The following DOK3 variants were observed in gnomAD, a reference collection of about 807,000 sequenced individuals.
DOK3 encodes docking protein 3.
A neutral mutation model predicts 26.2 loss-of-function variants in DOK3; 23 were observed. The observed-to-expected ratio is 0.88, with a 90% CI of 0.63 to 1.24. The LOEUF (loss-of-function observed/expected upper bound fraction) is 1.24. Among genes scored for constraint, DOK3 ranks in the 50% most tolerant of loss-of-function variants. The pLI, the probability that DOK3 is intolerant of heterozygous loss-of-function variation, is 0.00. For missense variants in DOK3, 619 were observed against 610.6 expected (o/e 1.01, Z -0.15); for synonymous variants, 268 against 268.2 (o/e 1.00, Z 0.01).
chr5:177,505,189 C>T (rs1561718951), intron 3 of DOK3, 79 bp from the exon 4 acceptor site: 2 of 1,343,926 alleles, frequency 1.5e-6, no homozygotes, highest in Non-Finnish European at 2.0e-6. Flanking sequence ...CCCAGAACTC[C>T]ACAAGCCAGG....
In DOK3 at chr5:177,502,960, A is replaced by G; in HGVS notation, c.*1023T>C. On this transcript the variant is annotated 3_prime_UTR_variant, in exon 6 of 6. Transcript: ENST00000510898. The stretch of plus-strand genomic sequence containing the variant: ...GGGGCGGTACTGGCCGCACTAAAGG[A>G]AGTGAGCTGGAAGGAGGTGGCGGCC... 1 of 1,245,902 alleles carries G rather than the reference A, an allele frequency of 8.0e-7. No homozygotes were observed. 77.2% of individuals were successfully genotyped at this position (1,245,902 alleles called of 1,614,324 possible). A position where few individuals can be genotyped will look rare whatever the true frequency, so the allele number is the denominator to read the frequency against.
rs572722697 is a variant in DOK3, at chr5:177,509,357, C to A, written c.66+118G>T. 3.6e-6 allele frequency: 5 copies of A among 1,396,780 alleles called. No homozygotes were observed. In the South Asian group the frequency reaches 6.9e-5, roughly 19 times the overall value. The allele number at this position is 1,396,780 out of a possible 1,614,324, so 86.5% of individuals were successfully genotyped here. A position where few individuals can be genotyped will look rare whatever the true frequency, so the allele number is the denominator to read the frequency against. On this transcript the variant is annotated intron_variant, in intron 2 of 5. Coordinates refer to ENST00000510898, the MANE Select transcript of DOK3 (RefSeq NM_001308236.3). ...CCCCATACCTGGGTGGGATCCTCCA[C>A]CCTGACTCCCTTCCCAAGTCTCCCA...
chr5:177,503,213 C>A lies in DOK3; in HGVS notation c.*770G>T. The stretch of plus-strand genomic sequence containing the variant: ...TGGAAGTCTTCAGGAAACTTCTCTC[C>A]CCCTGGAATGTCGGCTCCCGGAGAA... On this transcript the variant is annotated 3_prime_UTR_variant, in exon 6 of 6. Transcript: ENST00000510898. The A allele has an allele frequency of 6.4e-7, 1 of 1,551,600 alleles. No homozygotes were observed. Among genetic ancestry groups the A allele is most frequent in the Non-Finnish European group, 8.7e-7 (1 of 1,146,922 alleles).
intron 3 of DOK3, among the ~76,000 whole-genome samples, chr5:177,506,733 G>GGCTGGAGT (rs1200813595): frequency 2.2e-4 from 31 of 139,474 alleles, no homozygotes; most frequent in African/African-American, 8.1e-4. Flanking sequence ...TCGTTGCCCA[G>GGCTGGAGT]GCTGGAGTGC....
intron 2 of DOK3, chr5:177,509,030 G>A (rs1357403298): frequency 2.1e-5 from 4 of 188,192 alleles, no homozygotes; most frequent in East Asian, 2.9e-4. Context: ...CTGCAGCTGA[G>A]CTGCGGGGGT....
chr5:177,503,282 T>C lies in DOK3; in HGVS notation c.*701A>G, dbSNP rs1407694892. 1.9e-6 allele frequency: 3 copies of C among 1,550,726 alleles called. No individual in the cohort carries two copies. In the African/African-American group the frequency reaches 4.1e-5, roughly 21 times the overall value. ...GAACACGGCTGTGTCCCCCAGCGCC[T>C]GGCACTGAGTAGGCACGCAGCAAAC... is the stretch of plus-strand genomic sequence containing the variant. On this transcript the variant is annotated 3_prime_UTR_variant, in exon 6 of 6. Transcript: ENST00000510898.
chr5:177,506,527 T>G (rs337403), intron 3 of DOK3, among the ~76,000 whole-genome samples: 1 of 141,264 alleles, frequency 7.1e-6, no homozygotes, highest in African/African-American at 2.6e-5. Flanking sequence ...TTAGTAGAGA[T>G]AGGGTTTCAC....
rs1039320612 is a variant in DOK3 at position 177,503,938 on chromosome 5, C to G, written c.*45G>C. 6.7e-7 allele frequency: 1 copy of G among 1,492,002 alleles called. No individual in the cohort carries two copies. The highest frequency in any genetic ancestry group is 1.4e-5 in the African/African-American group (1 of 72,098). 92.4% of individuals were successfully genotyped at this position (1,492,002 alleles called of 1,614,324 possible). ...TTGCCCACCAGCCCACCCTCCTGTC[C>G]CAGGGGGAGCACCTCTCCCCTCTGG... is the stretch of plus-strand genomic sequence containing the variant. On this transcript the variant is annotated 3_prime_UTR_variant, in exon 6 of 6. Coordinates refer to ENST00000510898, the MANE Select transcript of DOK3 (RefSeq NM_001308236.3).
chr5:177,505,179 C>A, intron 3 of DOK3, 69 bp from the exon 4 acceptor site: 1 of 1,398,392 alleles, frequency 7.2e-7, no homozygotes, highest in Non-Finnish European at 9.7e-7. Flanking sequence ...CCCTCAGTAT[C>A]CCAGAACTCC....
intron 3 of DOK3, among the ~76,000 whole-genome samples, chr5:177,506,889 A>G (rs1760251938): frequency 6.9e-6 from 1 of 145,268 alleles, no homozygotes; most frequent in South Asian, 2.2e-4. Flanking sequence ...GGGTTTCTCC[A>G]TGTTGAGGCT....
chr5:177,503,845 C>T lies in DOK3; in HGVS notation c.*138G>A. 1 of 1,434,408 alleles carries T rather than the reference C, an allele frequency of 7.0e-7. No individual in the cohort carries two copies. Among genetic ancestry groups the T allele is most frequent in the East Asian group, 2.5e-5 (1 of 39,878 alleles). 88.9% of individuals were successfully genotyped at this position (1,434,408 alleles called of 1,614,324 possible). A position where few individuals can be genotyped will look rare whatever the true frequency, so the allele number is the denominator to read the frequency against. On this transcript the variant is annotated 3_prime_UTR_variant, in exon 6 of 6. Coordinates refer to ENST00000510898, the MANE Select transcript of DOK3 (RefSeq NM_001308236.3). Reference sequence around the variant, plus strand: ...AGGGCAGGGCAGGGCTGAGGTCCTCCACAGGCGGCCTGCCTTGTTCCTGCA... The same window carrying T: ...AGGGCAGGGCAGGGCTGAGGTCCTCTACAGGCGGCCTGCCTTGTTCCTGCA...
chr5:177,509,698 GC>G (rs760726114), intron 1 of DOK3, 41 bp from the exon 2 acceptor site: 153 of 1,604,774 alleles, frequency 9.5e-5, no homozygotes, highest in Non-Finnish European at 8.3e-5. Flanking sequence ...CAGCTCAGGG[GC>G]TGGGGGCAGC....
At chr5:177,509,957 C>G (rs559045991), upstream of DOK3, 15 of 1,464,122 alleles carry the variant, frequency 1.0e-5, no homozygotes, top group Admixed American at 3.9e-5. Flanking sequence ...CAACTCCTGG[C>G]TTTCCCACTC....
chr5:177,508,341 G>A lies in DOK3; in HGVS notation c.268C>T (p.Arg90Trp), dbSNP rs150922665. Residue 90 changes from arginine (R) to tryptophan (W), a missense_variant, in exon 3 of 6, where the codon CGG (arginine) becomes TGG (tryptophan). By Grantham distance (101) the Arg-to-Trp change is moderately radical (BLOSUM62 -3). Transcript: ENST00000510898. ...GTGAGCAGGAAGGCACCGGTGTCCC[G>A]GGGGCAGCTCTCGCCGTCAGCCGGC... ...VLPADGESCP[R>W]DTGAFLLTTT... is the part of the protein sequence containing the mutation. 27 of 1,597,274 alleles carry A rather than the reference G, an allele frequency of 1.7e-5. 1 individual carries two copies. In the African/African-American group the frequency reaches 2.3e-4, roughly 13 times the overall value.
chr5:177,505,173 C>G (rs1442985388), intron 3 of DOK3, 63 bp from the exon 4 acceptor site: 1 of 1,434,236 alleles, frequency 7.0e-7, no homozygotes, highest in Non-Finnish European at 9.4e-7. Context: ...CCCCTCCCCT[C>G]AGTATCCCAG....
chr5:177,508,526 A>G lies in DOK3; in HGVS notation c.83T>C (p.Val28Ala). 6.5e-7 allele frequency: 1 copy of G among 1,549,734 alleles called. No individual in the cohort carries two copies. Among genetic ancestry groups the G allele is most frequent in the Non-Finnish European group, 8.8e-7 (1 of 1,139,828 alleles). Reference sequence around the variant, plus strand: ...GCCTCCTGCATACAGCAGAGCCCACACCTTCCGCCAGCACTTCTGCGGGAG... The same window carrying G: ...GCCTCCTGCATACAGCAGAGCCCACGCCTTCCGCCAGCACTTCTGCGGGAG... Reference protein sequence around the residue: ...VKFGKKCWRKVWALLYAGGPS... With the variant: ...VKFGKKCWRKAWALLYAGGPS... Residue 28 changes from valine (V) to alanine (A), a missense_variant, in exon 3 of 6, where the codon GTG becomes GCG. Val to Ala is a moderately conservative substitution (Grantham distance 64). Coordinates refer to ENST00000510898, the MANE Select transcript of DOK3 (RefSeq NM_001308236.3).
chr5:177,508,675 G>T, intron 2 of DOK3, 133 bp from the exon 3 acceptor site: 1 of 1,030,180 alleles, frequency 9.7e-7, no homozygotes, highest in Non-Finnish European at 1.4e-6. Flanking sequence ...CAGGGAGCCA[G>T]GTAAGGAGGC....
upstream of DOK3, chr5:177,510,176 C>T: frequency 2.0e-6 from 1 of 494,110 alleles, no homozygotes; most frequent in South Asian, 2.6e-5. Flanking sequence ...TGGGGTGCAG[C>T]CCAGGCTCCT....
chr5:177,509,831 G>A (rs759214935), upstream of DOK3: 72 of 1,611,048 alleles, frequency 4.5e-5, no homozygotes, highest in Non-Finnish European at 5.6e-5. Flanking sequence ...GCGTCTGATC[G>A]CAGTCTGGCT....
Sources: allele counts gnomAD v4.1 joint callset (sites outside exome capture counted in the v4.1 genomes callset), GRCh38; gene constraint gnomAD v4.1.1; transcripts MANE v1.5; gene names NCBI Gene and HGNC (gene_info 2026-07-23, HGNC 2026-07-21).